KALRN: variants seen among roughly 807,000 people sequenced by gnomAD.
KALRN encodes kalirin.
A neutral mutation model predicts 353.7 loss-of-function variants in KALRN; 70 were observed. The ratio of observed to expected loss-of-function variants is 0.20; its 90% CI spans 0.16 to 0.24. KALRN has a LOEUF of 0.24. Ranked by LOEUF, KALRN falls within the 10% of genes least tolerant of loss-of-function variation. KALRN has a pLI of 1.00. For synonymous variants in KALRN, 1,391 were observed against 1,434.8 expected, an observed-to-expected ratio of 0.97 and a Z score of 0.69; for missense variants, 2,791 against 3,756.7, an observed-to-expected ratio of 0.74 and a Z score of 6.72.
At chr3:124,546,071 A>G (rs2069605719) in intron 33 of KALRN, among the ~76,000 whole-genome samples, 1 of 152,178 alleles carries the variant, frequency 6.6e-6, no homozygotes, top group Non-Finnish European at 1.5e-5. Context: ...GCACTTAGCC[A>G]CTAATCCCAT....
At chr3:124,475,694 A>G (rs192625180) in intron 26 of KALRN, among the ~76,000 whole-genome samples, 2 of 152,304 alleles carry the variant, frequency 1.3e-5, no homozygotes, top group African/African-American at 4.8e-5. Context: ...TTCAGATAAG[A>G]TAGGAGGTTG....
intron 13 of KALRN, chr3:124,410,231 A>G (rs754922121): frequency 5.6e-6 from 3 of 533,172 alleles, no homozygotes; most frequent in African/African-American, 1.9e-5. Flanking sequence ...CTTCCACTCC[A>G]TAGATTCCTG....
chr3:124,434,886 T>A (rs1257617698), intron 17 of KALRN, among the ~76,000 whole-genome samples: 1 of 152,234 alleles, frequency 6.6e-6, no homozygotes, highest in Non-Finnish European at 1.5e-5. Context: ...AATAAACATT[T>A]ATTTTTTTCT....
At chr3:124,636,221 G>A (rs1030255993) in intron 36 of KALRN, among the ~76,000 whole-genome samples, 3 of 152,152 alleles carry the variant, frequency 2.0e-5, no homozygotes, top group Non-Finnish European at 1.5e-5. Flanking sequence ...AAACTTGAAG[G>A]AGCCTATGTC....
chr3:124,487,317 A>G (rs969902418), intron 28 of KALRN, among the ~76,000 whole-genome samples: 1 of 152,168 alleles, frequency 6.6e-6, no homozygotes, highest in Non-Finnish European at 1.5e-5. Context: ...TTTTATGGGG[A>G]TGGTGATGAC....
intron 33 of KALRN, among the ~76,000 whole-genome samples, chr3:124,497,818 A>G (rs2064034446): frequency 6.6e-6 from 1 of 152,196 alleles, no homozygotes; most frequent in Admixed American, 6.5e-5. Flanking sequence ...ATAGATTATT[A>G]GTGTCATGGT....
intron 1 of KALRN, among the ~76,000 whole-genome samples, chr3:124,072,752 C>T (rs188375783): frequency 2.0e-5 from 3 of 152,256 alleles, no homozygotes; most frequent in Middle Eastern, 3.4e-3. Flanking sequence ...GGCTGAAATG[C>T]GATTGTAATT....
At chr3:124,250,529 TC>T (rs1407641015) in intron 3 of KALRN, among the ~76,000 whole-genome samples, 1 of 152,226 alleles carries the variant, frequency 6.6e-6, no homozygotes, top group Non-Finnish European at 1.5e-5. Flanking sequence ...TTAGAAAGGC[TC>T]CTTGTGTCTT....
intron 28 of KALRN, among the ~76,000 whole-genome samples, chr3:124,486,990 A>G (rs1310264421): frequency 6.6e-6 from 1 of 152,176 alleles, no homozygotes; most frequent in Non-Finnish European, 1.5e-5. Flanking sequence ...CTTGCTAGCA[A>G]GTACCATTAG....
At chr3:124,478,345 G>A (rs1470909087) in intron 27 of KALRN, among the ~76,000 whole-genome samples, 3 of 152,142 alleles carry the variant, frequency 2.0e-5, no homozygotes, top group Admixed American at 6.5e-5. Flanking sequence ...GCTAGGCCCC[G>A]TGGAGAATAT....
intron 33 of KALRN, among the ~76,000 whole-genome samples, chr3:124,511,427 A>G (rs910489562): frequency 2.6e-5 from 4 of 152,204 alleles, no homozygotes; most frequent in African/African-American, 9.6e-5. Flanking sequence ...TTGTCTGTAG[A>G]CATCGTGGCC....
chr3:124,060,860 G>T (rs2041943639), intron 1 of KALRN, among the ~76,000 whole-genome samples: 1 of 152,226 alleles, frequency 6.6e-6, no homozygotes, highest in African/African-American at 2.4e-5. Context: ...AGGTGGAAGG[G>T]GTAGGGAAGC....
chr3:124,674,296 G>T, intron 48 of KALRN, 68 bp from the exon 49 acceptor site: 1 of 1,539,908 alleles, frequency 6.5e-7, no homozygotes. Context: ...ACTGGGTAGG[G>T]TGCAGAGCAA....
chr3:124,580,384 G>GGGGGGGGGGGGGGGGGT (rs1398227667), intron 34 of KALRN, among the ~76,000 whole-genome samples: 1 of 148,548 alleles, frequency 6.7e-6, no homozygotes, highest in Admixed American at 6.9e-5. Context: ...GGGGAGGGGG[G>GGGGGGGGGGGGGGGGGT]ACTCAGGCAG....
rs1365731360 is a variant in KALRN at position 124,584,853 on chromosome 3, G to A, written c.5182+21764G>A. On this transcript the variant is annotated intron_variant, in intron 34 of 59. Transcript: ENST00000682506. Reference sequence around the variant, plus strand: ...GGCGGCGACAGGGCTTACACCCGAGGTCCCTCTTTGGGGTGGCTCTTTGCT... The same window carrying A: ...GGCGGCGACAGGGCTTACACCCGAGATCCCTCTTTGGGGTGGCTCTTTGCT... 3 of 1,607,322 alleles carry A rather than the reference G, an allele frequency of 1.9e-6. No homozygotes were observed. The South Asian group carries it at 3.4e-5, about 18-fold the overall frequency.
chr3:124,366,058 C>G (rs1413952803), intron 10 of KALRN, among the ~76,000 whole-genome samples: 1 of 152,054 alleles, frequency 6.6e-6, no homozygotes, highest in African/African-American at 2.4e-5. Flanking sequence ...GTTTTTTTTG[C>G]ATATGTGTGT....
chr3:124,523,259 C>T (rs1365030546), intron 33 of KALRN, among the ~76,000 whole-genome samples: 1 of 152,198 alleles, frequency 6.6e-6, no homozygotes, highest in Non-Finnish European at 1.5e-5. Context: ...GACATCTATT[C>T]TGGGATCATT....
intron 6 of KALRN, among the ~76,000 whole-genome samples, chr3:124,306,567 A>T (rs2077725189): frequency 1.5e-5 from 2 of 135,432 alleles, no homozygotes; most frequent in South Asian, 5.3e-4. Flanking sequence ...GAAGAAACAG[A>T]AAAAAATTAT....
intron 34 of KALRN, among the ~76,000 whole-genome samples, chr3:124,572,001 G>A (rs1334473290): frequency 6.6e-6 from 1 of 151,660 alleles, no homozygotes; most frequent in East Asian, 1.9e-4. Context: ...TTTAATTTGG[G>A]GTGCATGAAA....
Sources: gnomAD v4.1 joint callset for allele counts (sites outside exome capture counted in the v4.1 genomes callset) on GRCh38, gnomAD v4.1.1 for gene constraint, MANE v1.5 for transcripts, NCBI Gene and HGNC (gene_info 2026-07-23, HGNC 2026-07-21) for gene names.